ZNF678: variants seen among roughly 807,000 people sequenced by gnomAD.
The protein encoded by ZNF678 is hypothetical protein MGC42493.
In ZNF678, 5 loss-of-function variants were observed where a neutral mutation model predicts 3.0. That is an observed-to-expected ratio of 1.69 (90% CI 0.88 to 3.56). ZNF678 has a LOEUF of 3.56. ZNF678 is among the 30% of genes most tolerant of loss of function. ZNF678 has a pLI of 0.00. For missense variants in ZNF678, 593 were observed against 605.0 expected (o/e 0.98, Z 0.21); for synonymous variants, 218 against 199.6 (o/e 1.09, Z -0.78).
intron 1 of ZNF678, among the ~76,000 whole-genome samples, chr1:227,624,674 G>A (rs1658364330): frequency 6.6e-6 from 1 of 152,210 alleles, no homozygotes; most frequent in Non-Finnish European, 1.5e-5. Flanking sequence ...TCTATTAGAA[G>A]CCATGGGTCA....
At chr1:227,581,068 A>G (rs1046849410) in intron 1 of ZNF678, among the ~76,000 whole-genome samples, 3 of 152,134 alleles carry the variant, frequency 2.0e-5, no homozygotes, top group Non-Finnish European at 4.4e-5. Context: ...TGCTGAAATG[A>G]AAAAGGTTTA....
chr1:227,620,551 T>C lies in ZNF678; in HGVS notation c.-163-25993T>C, dbSNP rs186329623. On this transcript the variant is annotated intron_variant, in intron 1 of 3. Coordinates refer to ENST00000343776, the MANE Select transcript of ZNF678 (RefSeq NM_001367909.1). ...TGAGGCACAAAATATACTTGTAAAG[T>C]TTACTGGAGCCAAGTGAAGACTGCT... is the stretch of plus-strand genomic sequence containing the variant. Among the ~76,000 whole-genome samples, 141 of 152,294 alleles carry C rather than the reference T, an allele frequency of 9.3e-4. 2 individuals are homozygous for C. In the East Asian group the frequency reaches 0.022, roughly 24 times the overall value.
chr1:227,593,090 C>T (rs1041623707), intron 1 of ZNF678, among the ~76,000 whole-genome samples: 1 of 152,202 alleles, frequency 6.6e-6, no homozygotes, highest in African/African-American at 2.4e-5. Flanking sequence ...TGCCGGACTT[C>T]AGGATATGGC....
intron 1 of ZNF678, among the ~76,000 whole-genome samples, chr1:227,635,876 G>C (rs1658666543): frequency 6.6e-6 from 1 of 152,102 alleles, no homozygotes; most frequent in South Asian, 2.1e-4. Flanking sequence ...TTCAGGCCCA[G>C]GGAAAGAATC....
intron 1 of ZNF678, among the ~76,000 whole-genome samples, chr1:227,627,516 G>A (rs1229232750): frequency 6.6e-6 from 1 of 152,086 alleles, no homozygotes; most frequent in East Asian, 1.9e-4. Context: ...TCTCGGCCAT[G>A]TAAGACTGCC....
At chr1:227,598,664 C>T (rs577476864) in intron 1 of ZNF678, 31 of 536,866 alleles carry the variant, frequency 5.8e-5, no homozygotes, top group African/African-American at 9.7e-5. Flanking sequence ...TTTCTTTCTC[C>T]GTTGCATCTT....
At chr1:227,619,607 G>T (rs1658225151) in intron 1 of ZNF678, among the ~76,000 whole-genome samples, 1 of 151,962 alleles carries the variant, frequency 6.6e-6, no homozygotes, top group African/African-American at 2.4e-5. Context: ...TGCCTCCTGG[G>T]TTCACGCCAT....
intron 1 of ZNF678, among the ~76,000 whole-genome samples, chr1:227,644,986 G>A (rs1658919210): frequency 6.6e-6 from 1 of 152,152 alleles, no homozygotes; most frequent in Non-Finnish European, 1.5e-5. Context: ...GCTCTCTTTT[G>A]GTTTGGTGTG....
At chr1:227,566,485 A>C (rs761129677) in intron 1 of ZNF678, among the ~76,000 whole-genome samples, 12 of 152,224 alleles carry the variant, frequency 7.9e-5, no homozygotes, top group Non-Finnish European at 1.5e-4. Flanking sequence ...GCACACCGTG[A>C]GGCACAGTGC....
intron 1 of ZNF678, among the ~76,000 whole-genome samples, chr1:227,587,384 G>A (rs1317437057): frequency 6.6e-6 from 1 of 152,030 alleles, no homozygotes; most frequent in Non-Finnish European, 1.5e-5. Context: ...GGCAGTAGCC[G>A]TTAAACCACT....
At chr1:227,570,812 GAAC>G (rs1189730863) in intron 1 of ZNF678, among the ~76,000 whole-genome samples, 2 of 151,988 alleles carry the variant, frequency 1.3e-5, no homozygotes, top group Non-Finnish European at 2.9e-5. Flanking sequence ...CAAACATTAA[GAAC>G]AACATGGTAG....
chr1:227,628,442 C>T (rs372981538), intron 1 of ZNF678, among the ~76,000 whole-genome samples: 4 of 152,144 alleles, frequency 2.6e-5, no homozygotes, highest in African/African-American at 9.7e-5. Context: ...TCTGAGTTCC[C>T]GTAATTAGTG....
Position 227,650,136 on chromosome 1 carries a change from T to A in ZNF678, c.-36-820T>A, listed in dbSNP as rs187999743. Among the ~76,000 whole-genome samples, 4 of 152,334 alleles carry A rather than the reference T, an allele frequency of 2.6e-5. No individual in the cohort carries two copies. In the East Asian group the frequency reaches 7.7e-4, roughly 29 times the overall value. ...AAAATATATTTTCTTCTAAGATTTT[T>A]AAGGATTTCTGCCTGACATTTAAGT... On this transcript the variant is annotated intron_variant, in intron 2 of 3. Transcript: ENST00000343776.
At chr1:227,639,345 T>C (rs1658760417) in intron 1 of ZNF678, among the ~76,000 whole-genome samples, 1 of 152,230 alleles carries the variant, frequency 6.6e-6, no homozygotes, top group South Asian at 2.1e-4. Flanking sequence ...CTGCCTGTTT[T>C]TGCCTTTTAC....
At position 227,657,575 on chromosome 1, in the gene ZNF678, T is replaced by C. The variant is rs1158105734; in HGVS notation, c.*1747T>C. The stretch of plus-strand genomic sequence containing the variant: ...GAATCACGAATGACTATTTACAAAA[T>C]GTCATACTACGTTTTTCTTTGAGCC... On this transcript the variant is annotated 3_prime_UTR_variant, in exon 4 of 4. Coordinates refer to ENST00000343776, the MANE Select transcript of ZNF678 (RefSeq NM_001367909.1). 6.6e-6 allele frequency: 1 copy of C among 151,988 alleles called. No individual in the cohort carries two copies. The highest frequency in any genetic ancestry group is 2.4e-5 in the African/African-American group (1 of 41,442). 9.4% of individuals were successfully genotyped at this position (151,988 alleles called of 1,614,324 possible).
chr1:227,592,923 G>A (rs566900711), intron 1 of ZNF678, among the ~76,000 whole-genome samples: 8 of 152,304 alleles, frequency 5.3e-5, no homozygotes, highest in African/African-American at 1.9e-4. Context: ...GATGAACAAG[G>A]GCTGACTGAT....
intron 1 of ZNF678, among the ~76,000 whole-genome samples, chr1:227,593,635 G>T (rs1232467030): frequency 6.6e-6 from 1 of 151,904 alleles, no homozygotes; most frequent in Non-Finnish European, 1.5e-5. Context: ...GTCTCCACAG[G>T]GTATAACAAG....
At chr1:227,669,263 GAC>G (rs1384710587) in intron 5 of ZNF678, among the ~76,000 whole-genome samples, 4 of 152,268 alleles carry the variant, frequency 2.6e-5, no homozygotes, top group Admixed American at 1.3e-4. Flanking sequence ...GACATGAACA[GAC>G]ACTTTTCAAA....
intron 1 of ZNF678, among the ~76,000 whole-genome samples, chr1:227,601,281 A>G (rs1322560780): frequency 2.0e-5 from 3 of 152,126 alleles, no homozygotes; most frequent in Non-Finnish European, 2.9e-5. Context: ...TGTCATTGCT[A>G]GTTTGTTAGG....
Sources: allele counts gnomAD v4.1 joint callset (sites outside exome capture counted in the v4.1 genomes callset), GRCh38; gene constraint gnomAD v4.1.1; transcripts MANE v1.5; gene names NCBI Gene and HGNC (gene_info 2026-07-23, HGNC 2026-07-21).